The following TBC1D32 variants were observed in gnomAD, a reference collection of about 807,000 sequenced individuals.
TBC1D32 encodes the protein TBC1 domain family member 32, also known as protein broad-minded.
TBC1D32 carries 151 observed loss-of-function variants against 170.3 expected under a neutral mutation model. The observed-to-expected ratio is 0.89, with a 90% CI of 0.78 to 1.01. The LOEUF is 1.01. TBC1D32 is among the 50% of genes least tolerant of loss of function. The pLI, the probability that TBC1D32 is intolerant of heterozygous loss-of-function variation, is 0.00. For missense variants in TBC1D32, 1,464 were observed against 1,457.1 expected (o/e 1.00, Z -0.08); for synonymous variants, 498 against 488.0 (o/e 1.02, Z -0.27).
At chr6:121,248,419 A>G (rs1392725095) in intron 17 of TBC1D32, among the ~76,000 whole-genome samples, 2 of 152,026 alleles carry the variant, frequency 1.3e-5, no homozygotes, top group Non-Finnish European at 2.9e-5. Context: ...TAGAGAGACA[A>G]GAACAAACTA....
At chr6:121,141,844 G>A (rs754408307) in intron 24 of TBC1D32, among the ~76,000 whole-genome samples, 16 of 152,032 alleles carry the variant, frequency 1.1e-4, no homozygotes, top group South Asian at 2.1e-4. Flanking sequence ...TTAAAAAGCC[G>A]GAAGGTTTTG....
chr6:121,261,259 A>G (rs894118581), intron 15 of TBC1D32, among the ~76,000 whole-genome samples: 6 of 152,166 alleles, frequency 3.9e-5, no homozygotes, highest in Non-Finnish European at 8.8e-5. Context: ...CCCCCAGTGC[A>G]GCACACCCTC....
chr6:121,243,100 A>G (rs1458280695), intron 17 of TBC1D32, among the ~76,000 whole-genome samples: 2 of 152,064 alleles, frequency 1.3e-5, no homozygotes, highest in Non-Finnish European at 2.9e-5. Flanking sequence ...AAAAATAGGT[A>G]TAATGAAAAT....
At chr6:121,272,869 T>C (rs991410012) in intron 15 of TBC1D32, among the ~76,000 whole-genome samples, 2 of 152,148 alleles carry the variant, frequency 1.3e-5, no homozygotes, top group African/African-American at 4.8e-5. Context: ...CAAATGTCCA[T>C]CAATGATAGA....
chr6:121,162,091 T>C (rs2128245796), intron 22 of TBC1D32, among the ~76,000 whole-genome samples: 1 of 152,348 alleles, frequency 6.6e-6, no homozygotes, highest in African/African-American at 2.4e-5. Context: ...TAGGTGTTGT[T>C]AGATCTTTGT....
chr6:121,204,293 A>G (rs1459789009), intron 22 of TBC1D32, among the ~76,000 whole-genome samples: 1 of 151,304 alleles, frequency 6.6e-6, no homozygotes, highest in African/African-American at 2.5e-5. Context: ...ATCTATTAAT[A>G]TACGGTTAAA....
intron 16 of TBC1D32, 96 bp from the exon 17 acceptor site, chr6:121,255,506 A>AT (rs1563099568): frequency 2.2e-5 from 4 of 181,616 alleles, no homozygotes; most frequent in East Asian, 1.6e-4. Context: ...TTATAATTAT[A>AT]TTTATAATTA....
chr6:121,260,293 T>C (rs768551732), intron 15 of TBC1D32, among the ~76,000 whole-genome samples: 1 of 152,036 alleles, frequency 6.6e-6, no homozygotes, highest in African/African-American at 2.4e-5. Flanking sequence ...AAAGAAAATA[T>C]GACAGATTAA....
At chr6:121,313,251 A>C (rs1048944030) in intron 3 of TBC1D32, among the ~76,000 whole-genome samples, 1 of 148,698 alleles carries the variant, frequency 6.7e-6, no homozygotes, top group Non-Finnish European at 1.5e-5. Flanking sequence ...GATTACAGGG[A>C]TGAACTACCA....
intron 25 of TBC1D32, among the ~76,000 whole-genome samples, chr6:121,127,206 C>T (rs1780949353): frequency 6.6e-6 from 1 of 152,114 alleles, no homozygotes. Context: ...GATATTAACT[C>T]TAACCTATAT....
intron 24 of TBC1D32, among the ~76,000 whole-genome samples, chr6:121,141,092 T>C (rs1782726389): frequency 6.6e-6 from 1 of 151,980 alleles, no homozygotes; most frequent in African/African-American, 2.4e-5. Flanking sequence ...AACAGCATCT[T>C]TGCTTCATAG....
In TBC1D32 at chr6:121,231,218, C is replaced by A. The variant is rs554429413; in HGVS notation, c.2364+7852G>T. On this transcript the variant is annotated intron_variant, in intron 20 of 31. Coordinates refer to ENST00000398212, the MANE Select transcript of TBC1D32 (RefSeq NM_152730.6). ...TTTTTTGAATAGGGTGTGCTTCCCC[C>A]ACCTTATGTTTTTGTTTGCTTTGTC... is the stretch of plus-strand genomic sequence containing the variant. Among the ~76,000 whole-genome samples the A allele has an allele frequency of 6.6e-5, 10 of 152,012 alleles. No individual in the cohort carries two copies. In the South Asian group the frequency reaches 1.2e-3, roughly 19 times the overall value.
At position 121,317,526 on chromosome 6, in the gene TBC1D32, T is replaced by C. The variant is rs774938386; in HGVS notation, c.464A>G (p.Asn155Ser). Residue 155 changes from asparagine to serine, a missense_variant, in exon 3 of 32, where the codon AAT (asparagine) becomes AGT (serine). Asn to Ser is a conservative substitution (Grantham distance 46, BLOSUM62 1). Coordinates refer to ENST00000398212, the MANE Select transcript of TBC1D32 (RefSeq NM_152730.6). ...KEKSHSYRTD[N>S]CSDSDSSLNQ... Reference sequence around the variant, plus strand: ...CAATGATGAATCACTATCAGAGCAATTGTCTGTGCGGTAACTATGGCTTTT... The same window carrying C: ...CAATGATGAATCACTATCAGAGCAACTGTCTGTGCGGTAACTATGGCTTTT... The C allele has an allele frequency of 1.2e-5, 20 of 1,610,726 alleles. No individual in the cohort carries two copies. The highest frequency in any genetic ancestry group is 1.2e-4 in the African/African-American group (9 of 74,748).
chr6:121,080,921 A>G, intron 31 of TBC1D32, 31 bp from the exon 32 acceptor site: 1 of 1,604,306 alleles, frequency 6.2e-7, no homozygotes, highest in South Asian at 1.1e-5. Context: ...AAAATTATTT[A>G]CTTGAGTAAG....
rs995363955 is a variant in TBC1D32 at position 121,085,346 on chromosome 6, C to T, written c.3655-4456G>A. Among the ~76,000 whole-genome samples, 5 of 121,482 alleles carry T rather than the reference C, an allele frequency of 4.1e-5. No homozygotes were observed. The East Asian group carries it at 6.4e-4, about 16-fold the overall frequency. 79.7% of individuals were successfully genotyped at this position (121,482 alleles called of 152,430 possible). A position where few individuals can be genotyped will look rare whatever the true frequency, so the allele number is the denominator to read the frequency against. Reference sequence around the variant, plus strand: ...ATATATATATACATACATATATATACATACATATATATACATATATATATG... The same window carrying T: ...ATATATATATACATACATATATATATATACATATATATACATATATATATG... On this transcript the variant is annotated intron_variant, in intron 31 of 31. Transcript: ENST00000398212.
At chr6:121,107,208 T>A (rs1023127289) in intron 29 of TBC1D32, among the ~76,000 whole-genome samples, 3 of 151,956 alleles carry the variant, frequency 2.0e-5, no homozygotes, top group Non-Finnish European at 4.4e-5. Context: ...TTATATGAGT[T>A]GAAATACAGA....
chr6:121,113,326 T>C, intron 27 of TBC1D32, 149 bp from the exon 28 acceptor site: 1 of 509,548 alleles, frequency 2.0e-6, no homozygotes, highest in South Asian at 3.8e-5. Context: ...TATATTTGGA[T>C]TAACAGTATT....
At chr6:121,307,724 G>A (rs140988714) in intron 5 of TBC1D32, among the ~76,000 whole-genome samples, 7 of 152,096 alleles carry the variant, frequency 4.6e-5, no homozygotes, top group Non-Finnish European at 1.0e-4. Flanking sequence ...GCCAGGCTTG[G>A]TGGTGGCATG....
At chr6:121,129,312 T>C (rs747116329) in intron 25 of TBC1D32, among the ~76,000 whole-genome samples, 4 of 152,206 alleles carry the variant, frequency 2.6e-5, no homozygotes, top group Non-Finnish European at 4.4e-5. Context: ...TGTTAGATTT[T>C]GCCCAGCCAT....
Sources: allele counts gnomAD v4.1 joint callset (sites outside exome capture counted in the v4.1 genomes callset), GRCh38; gene constraint gnomAD v4.1.1; transcripts MANE v1.5; gene names NCBI Gene and HGNC (gene_info 2026-07-23, HGNC 2026-07-21).